Variants in MAP2K1 observed in about 807,000 individuals in gnomAD.
MAP2K1 encodes dual specificity mitogen-activated protein kinase kinase 1.
Under a neutral mutation model 46.3 loss-of-function variants are expected in MAP2K1, and 16 were observed. That is an observed-to-expected ratio of 0.35 (90% CI 0.23 to 0.52). The LOEUF (loss-of-function observed/expected upper bound fraction) is 0.52. Among genes scored for constraint, MAP2K1 ranks in the 20% least tolerant of loss-of-function variants. MAP2K1 has a pLI of 0.94. For synonymous variants in MAP2K1, 183 were observed against 185.6 expected (o/e 0.99, Z 0.11); for missense variants, 263 against 497.1 (o/e 0.53, Z 4.48).
intron 5 of MAP2K1, among the ~76,000 whole-genome samples, chr15:66,445,437 A>C (rs1595866306): frequency 6.6e-6 from 1 of 152,162 alleles, no homozygotes; most frequent in East Asian, 1.9e-4. Context: ...AAAAAGAAAG[A>C]AACTGATTTA....
At chr15:66,467,827 C>T (rs955698222) in intron 5 of MAP2K1, among the ~76,000 whole-genome samples, 3 of 152,212 alleles carry the variant, frequency 2.0e-5, no homozygotes, top group African/African-American at 7.2e-5. Flanking sequence ...TCCCAAAGTG[C>T]TGGGATTACA....
intron 1 of MAP2K1, among the ~76,000 whole-genome samples, chr15:66,397,873 G>T (rs2093372022): frequency 6.6e-6 from 1 of 152,134 alleles, no homozygotes; most frequent in Non-Finnish European, 1.5e-5. Context: ...GGAGGCCGAG[G>T]CGTGCAGATC....
intron 5 of MAP2K1, among the ~76,000 whole-genome samples, chr15:66,449,003 C>CAAAAAAAAAAAAAAAAAAAAAAAAAA (rs59398424): frequency 2.1e-5 from 1 of 47,950 alleles, no homozygotes; most frequent in Non-Finnish European, 3.6e-5. Flanking sequence ...GACACTGTCT[C>CAAAAAAAAAAAAAAAAAAAAAAAAAA]AAAAAAAAAA....
In MAP2K1 at chr15:66,452,287, T is replaced by TAAA. The variant is rs146502834; in HGVS notation, c.568+7594_568+7596dup. On this transcript the variant is annotated intron_variant, in intron 5 of 10. Coordinates refer to ENST00000307102, the MANE Select transcript of MAP2K1 (RefSeq NM_002755.4). ...ATGCACCCTAAAACTTAGAGTATAA[T>TAAA]AAAAAAAAAAAAAAAAGAAAAAAAA... 7.4e-3 allele frequency among the ~76,000 whole-genome samples: 771 copies of TAAA among 103,568 alleles called. 12 individuals carry two copies. Among genetic ancestry groups the TAAA allele is most frequent in the Middle Eastern group, 0.03 (5 of 164 alleles). 67.9% of individuals were successfully genotyped at this position (103,568 alleles called of 152,430 possible). A position where few individuals can be genotyped will look rare whatever the true frequency, so the allele number is the denominator to read the frequency against.
chr15:66,480,833 T>C (rs1485577658), intron 5 of MAP2K1, among the ~76,000 whole-genome samples: 1 of 152,202 alleles, frequency 6.6e-6, no homozygotes, highest in Non-Finnish European at 1.5e-5. Flanking sequence ...CACAAAGCCC[T>C]GCTCCAGGGG....
chr15:66,472,141 A>G (rs1477675976), intron 5 of MAP2K1, among the ~76,000 whole-genome samples: 1 of 150,620 alleles, frequency 6.6e-6, no homozygotes, highest in Non-Finnish European at 1.5e-5. Flanking sequence ...CATCTCTACT[A>G]AAAAATACAA....
intron 1 of MAP2K1, among the ~76,000 whole-genome samples, chr15:66,427,068 C>T (rs768291900): frequency 2.0e-5 from 3 of 152,094 alleles, no homozygotes; most frequent in Non-Finnish European, 2.9e-5. Context: ...TGCGTAAGTT[C>T]CGGCACTAGA....
intron 1 of MAP2K1, among the ~76,000 whole-genome samples, 170 bp downstream of exon 1, chr15:66,387,597 C>T (rs1049360913): frequency 6.6e-6 from 1 of 151,656 alleles, no homozygotes; most frequent in African/African-American, 2.4e-5. Flanking sequence ...GATTGTGTTC[C>T]TGACTCAGAC....
chr15:66,412,387 T>C (rs180896830), intron 1 of MAP2K1, among the ~76,000 whole-genome samples: 2 of 152,316 alleles, frequency 1.3e-5, no homozygotes, highest in East Asian at 1.9e-4. Context: ...ACGAAGTCTT[T>C]AGGAGGCTTC....
At chr15:66,453,619 C>T in intron 5 of MAP2K1, 3 of 700,588 alleles carry the variant, frequency 4.3e-6, no homozygotes, top group Admixed American at 2.0e-5. Flanking sequence ...TGCCTATGGG[C>T]TTCCTCATGG....
intron 1 of MAP2K1, among the ~76,000 whole-genome samples, chr15:66,410,250 TA>T: frequency 6.6e-6 from 1 of 152,348 alleles, no homozygotes; most frequent in African/African-American, 2.4e-5. Context: ...TGTTCATTGT[TA>T]AAGGACCCCA....
chr15:66,396,312 C>T (rs1210712432), intron 1 of MAP2K1, among the ~76,000 whole-genome samples: 2 of 151,808 alleles, frequency 1.3e-5, no homozygotes, highest in Non-Finnish European at 2.9e-5. Context: ...GAGTTTCACT[C>T]TTCTCATCCA....
intron 1 of MAP2K1, among the ~76,000 whole-genome samples, chr15:66,391,289 A>G (rs2093355651): frequency 6.6e-6 from 1 of 152,168 alleles, no homozygotes; most frequent in Non-Finnish European, 1.5e-5. Flanking sequence ...TAAGCACAGC[A>G]CTGCCTTTTT....
intron 6 of MAP2K1, among the ~76,000 whole-genome samples, chr15:66,483,082 C>T (rs1313219896): frequency 2.0e-5 from 3 of 152,200 alleles, no homozygotes; most frequent in Non-Finnish European, 4.4e-5. Context: ...AAGCAACCTG[C>T]CTACTTAACC....
intron 1 of MAP2K1, among the ~76,000 whole-genome samples, chr15:66,428,773 CTTTTTTTTTT>C (rs1196428468): frequency 9.0e-5 from 7 of 78,196 alleles, no homozygotes; most frequent in African/African-American, 2.3e-4. Flanking sequence ...ATTTTCTTTC[CTTTTTTTTTT>C]TTTTTTTTTT....
intron 1 of MAP2K1, among the ~76,000 whole-genome samples, chr15:66,404,972 T>C (rs2093392674): frequency 6.6e-6 from 1 of 151,890 alleles, no homozygotes; most frequent in African/African-American, 2.4e-5. Flanking sequence ...AGAAAGAGAG[T>C]AGGATAAGTC....
rs115551144 is a variant in MAP2K1 at position 66,390,237 on chromosome 15, G to C, written c.80+2810G>C. ...CAAGACAAACAGGGACTGTTTCCCT[G>C]TGTTTCATAGCACTAATGAGAGGGA... is the stretch of plus-strand genomic sequence containing the variant. On this transcript the variant is annotated intron_variant, in intron 1 of 10. Transcript: ENST00000307102. 8.5e-3 allele frequency among the ~76,000 whole-genome samples: 1,297 copies of C among 152,264 alleles called. 28 individuals carry two copies. Among genetic ancestry groups the C allele is most frequent in the African/African-American group, 0.03 (1,235 of 41,550 alleles).
rs575854200 is a variant in MAP2K1, at chr15:66,387,236, G to GGGCCCGC, written c.-105_-99dup. The GGGCCCGC allele has an allele frequency of 8.2e-4, 715 of 867,502 alleles. 5 individuals carry two copies. In the African/African-American group the frequency reaches 0.012, roughly 14 times the overall value. The allele number at this position is 867,502 out of a possible 1,614,324, so 53.7% of individuals were successfully genotyped here. Reference sequence around the variant, plus strand: ...GGCGCACCCGCTGAAGGCAGCCCCGGGGCCCGCGGCCCGGACTTGGTCCTG... The same window carrying GGGCCCGC: ...GGCGCACCCGCTGAAGGCAGCCCCGGGGCCCGCGGCCCGCGGCCCGGACTTGGTCCTG... On this transcript the variant is annotated 5_prime_UTR_variant, in exon 1 of 11. Transcript: ENST00000307102.
chr15:66,481,335 C>G (rs1892910310), intron 5 of MAP2K1, among the ~76,000 whole-genome samples: 1 of 152,132 alleles, frequency 6.6e-6, no homozygotes, highest in South Asian at 2.1e-4. Context: ...GTAGCCTCAG[C>G]AAGCAGATAG....
Sources: allele counts gnomAD v4.1 joint callset (sites outside exome capture counted in the v4.1 genomes callset), GRCh38; gene constraint gnomAD v4.1.1; transcripts MANE v1.5; gene names NCBI Gene and HGNC (gene_info 2026-07-23, HGNC 2026-07-21).